The following MDFIC variants were observed in gnomAD, a reference collection of about 807,000 sequenced individuals.
MDFIC encodes the protein myoD family inhibitor domain-containing protein.
In MDFIC, 17 loss-of-function variants were observed where a neutral mutation model predicts 23.2. The observed-to-expected ratio is 0.73, with a 90% confidence interval of 0.50 to 1.10. The LOEUF (loss-of-function observed/expected upper bound fraction) is 1.10, where lower values mean the gene tolerates loss of function less well. Ranked by LOEUF, MDFIC falls within the 50% of genes least tolerant of loss-of-function variation. The pLI is 0.00. For missense variants in MDFIC, 356 were observed against 316.6 expected, an observed-to-expected ratio of 1.12 and a Z score of -0.95; for synonymous variants, 120 against 115.2, an observed-to-expected ratio of 1.04 and a Z score of -0.27.
intron 2 of MDFIC, among the ~76,000 whole-genome samples, chr7:114,926,898 G>A (rs927506610): frequency 1.3e-5 from 2 of 152,054 alleles, no homozygotes; most frequent in African/African-American, 2.4e-5. Flanking sequence ...ATTAAGGATG[G>A]CATTTCACAA....
intron 4 of MDFIC, among the ~76,000 whole-genome samples, chr7:115,009,520 G>A (rs557987502): frequency 2.6e-5 from 4 of 152,154 alleles, no homozygotes; most frequent in Admixed American, 6.5e-5. Context: ...TCAGGTATCC[G>A]TATCAATTGG....
intron 4 of MDFIC, among the ~76,000 whole-genome samples, chr7:115,005,019 A>G (rs1050801974): frequency 1.3e-5 from 2 of 152,214 alleles, no homozygotes; most frequent in African/African-American, 4.8e-5. Context: ...TGTTTTGAAT[A>G]TTGCATTAAA....
chr7:114,991,317 G>C (rs944593723), intron 4 of MDFIC, among the ~76,000 whole-genome samples: 1 of 152,144 alleles, frequency 6.6e-6, no homozygotes, highest in Non-Finnish European at 1.5e-5. Context: ...CACTCTGATG[G>C]TAGTTTCTTT....
At chr7:114,948,603 T>G (rs1792697037) in intron 3 of MDFIC, among the ~76,000 whole-genome samples, 2 of 152,136 alleles carry the variant, frequency 1.3e-5, no homozygotes, top group African/African-American at 4.8e-5. Flanking sequence ...TTTGTCCTCC[T>G]TTTCTTCCTC....
chr7:114,977,887 A>C (rs1793346423), intron 3 of MDFIC, among the ~76,000 whole-genome samples: 1 of 147,988 alleles, frequency 6.8e-6, no homozygotes, highest in African/African-American at 2.4e-5. Context: ...TTATATAATT[A>C]ATTATATTTT....
At chr7:114,951,798 A>G (rs1170075934) in intron 3 of MDFIC, among the ~76,000 whole-genome samples, 2 of 152,224 alleles carry the variant, frequency 1.3e-5, no homozygotes, top group Non-Finnish European at 2.9e-5. Context: ...AGTCACCTGT[A>G]GAAGATACTT....
At position 114,956,370 on chromosome 7, in the gene MDFIC, T is replaced by TAC. The variant is rs386411063; in HGVS notation, c.217+13983_217+13984dup. 2.0e-3 allele frequency among the ~76,000 whole-genome samples: 309 copies of TAC among 151,312 alleles called. 1 individual carries two copies. Among genetic ancestry groups the TAC allele is most frequent in the Non-Finnish European group, 3.5e-3 (237 of 67,816 alleles). ...ATATACACACACACATATATATATA[T>TAC]ACACACACACATATATATACACACA... On this transcript the variant is annotated intron_variant, in intron 3 of 4. Transcript: ENST00000393486.
intron 2 of MDFIC, among the ~76,000 whole-genome samples, chr7:114,937,186 A>G (rs1792441274): frequency 6.6e-6 from 1 of 152,184 alleles, no homozygotes; most frequent in Non-Finnish European, 1.5e-5. Flanking sequence ...CTCCTTTACC[A>G]GGAAGAATTG....
At chr7:114,978,773 A>G (rs1051918070) in intron 3 of MDFIC, among the ~76,000 whole-genome samples, 3 of 152,206 alleles carry the variant, frequency 2.0e-5, no homozygotes, top group African/African-American at 4.8e-5. Context: ...AGTCAGACCT[A>G]TTAAATTTCT....
chr7:114,980,125 A>C, intron 4 of MDFIC: 1 of 326,452 alleles, frequency 3.1e-6, no homozygotes, highest in South Asian at 2.8e-5. Flanking sequence ...TCCCTGATGC[A>C]ATATGTTATT....
At position 115,016,931 on chromosome 7, in the gene MDFIC, T is replaced by C. The variant is rs1215824906; in HGVS notation, c.*996T>C. The C allele has an allele frequency of 1.3e-5, 2 of 152,210 alleles. No homozygotes were observed. Among genetic ancestry groups the C allele is most frequent in the Admixed American group, 6.5e-5 (1 of 15,274 alleles). The allele number at this position is 152,210 out of a possible 1,614,324, so 9.4% of individuals were successfully genotyped here. On this transcript the variant is annotated 3_prime_UTR_variant, in exon 5 of 5. Transcript: ENST00000393486. ...AACCATACCACAAGGCATACTGAAG[T>C]GAGGATTATAAGAGAAATAAACTCA...
At chr7:114,926,061 C>G (rs924596966) in intron 2 of MDFIC, among the ~76,000 whole-genome samples, 2 of 151,906 alleles carry the variant, frequency 1.3e-5, no homozygotes, top group African/African-American at 2.4e-5. Flanking sequence ...TTGTGTGGTC[C>G]CTGTAATTGC....
At chr7:115,012,492 C>A (rs1289926337) in intron 4 of MDFIC, among the ~76,000 whole-genome samples, 1 of 152,052 alleles carries the variant, frequency 6.6e-6, no homozygotes. Context: ...AATTTTGGAG[C>A]AACAATCTTG....
At position 114,923,081 on chromosome 7, in the gene MDFIC, G is replaced by C; in HGVS notation, c.48G>C (p.Gln16His). The part of the protein sequence containing the change: ...EALAPGPVGP[Q>H]RVAEAGGGQL... Reference sequence around the variant, plus strand: ...TCGCTCCCGGGCCCGTGGGGCCGCAGCGCGTGGCCGAGGCGGGCGGCGGCC... The same window carrying C: ...TCGCTCCCGGGCCCGTGGGGCCGCACCGCGTGGCCGAGGCGGGCGGCGGCC... The change falls in exon 2 of 5, where the codon CAG becomes CAC. Residue 16 changes from glutamine to histidine, a missense_variant. Transcript: ENST00000393486. The C allele has an allele frequency of 7.0e-7, 1 of 1,436,502 alleles. No individual in the cohort carries two copies. The highest frequency in any genetic ancestry group is 9.1e-7 in the Non-Finnish European group (1 of 1,095,710). 89.0% of individuals were successfully genotyped at this position (1,436,502 alleles called of 1,614,324 possible). A position where few individuals can be genotyped will look rare whatever the true frequency, so the allele number is the denominator to read the frequency against.
At chr7:114,954,650 T>C (rs1792851270) in intron 3 of MDFIC, among the ~76,000 whole-genome samples, 1 of 152,240 alleles carries the variant, frequency 6.6e-6, no homozygotes, top group African/African-American at 2.4e-5. Flanking sequence ...TATATTCTAG[T>C]CCTCTCATTA....
At chr7:114,990,341 T>C (rs1336316097) in intron 4 of MDFIC, among the ~76,000 whole-genome samples, 1 of 152,032 alleles carries the variant, frequency 6.6e-6, no homozygotes. Flanking sequence ...CTGTTAGCAC[T>C]GTGTTATTCT....
intron 4 of MDFIC, among the ~76,000 whole-genome samples, chr7:115,015,201 T>C (rs759837910): frequency 8.5e-5 from 13 of 152,248 alleles, no homozygotes; most frequent in Non-Finnish European, 1.5e-4. Flanking sequence ...AACTATTGAA[T>C]TAATTTTTCA....
At chr7:114,970,331 C>T (rs1793182822) in intron 3 of MDFIC, among the ~76,000 whole-genome samples, 1 of 152,102 alleles carries the variant, frequency 6.6e-6, no homozygotes, top group East Asian at 1.9e-4. Flanking sequence ...CATTTATTTG[C>T]TAGGCTGGGG....
intron 2 of MDFIC, among the ~76,000 whole-genome samples, chr7:114,932,005 A>G (rs1792316851): frequency 6.6e-6 from 1 of 152,168 alleles, no homozygotes; most frequent in African/African-American, 2.4e-5. Context: ...GTAAACGCAG[A>G]CGCTGCTTTT....
Sources: gnomAD v4.1 joint callset for allele counts (sites outside exome capture counted in the v4.1 genomes callset) on GRCh38, gnomAD v4.1.1 for gene constraint, MANE v1.5 for transcripts, NCBI Gene and HGNC (gene_info 2026-07-23, HGNC 2026-07-21) for gene names.